The following NAV2 variants were observed in gnomAD, a reference collection of about 807,000 sequenced individuals.
NAV2 encodes helicase, APC down-regulated 1.
Under a neutral mutation model 223.2 loss-of-function variants are expected in NAV2, and 54 were observed. The ratio of observed to expected loss-of-function variants is 0.24; its 90% confidence interval spans 0.19 to 0.30. NAV2 has a LOEUF of 0.30. NAV2 is among the 10% of genes least tolerant of loss of function. The probability of loss-of-function intolerance (pLI) is 1.00; values close to 1 mark genes in which losing one functional copy is unlikely to be tolerated. For missense variants in NAV2, 2,806 were observed against 3,147.5 expected (o/e 0.89, Z 2.60); for synonymous variants, 1,279 against 1,239.3 (o/e 1.03, Z -0.67).
At chr11:19,751,311 G>A (rs1183485613) in intron 1 of NAV2, among the ~76,000 whole-genome samples, 1 of 152,148 alleles carries the variant, frequency 6.6e-6, no homozygotes, top group African/African-American at 2.4e-5. Flanking sequence ...AGTCAACAAG[G>A]ACAGGTTTTC....
At chr11:19,486,035 G>T (rs2042434159) in intron 1 of NAV2, among the ~76,000 whole-genome samples, 1 of 152,146 alleles carries the variant, frequency 6.6e-6, no homozygotes, top group African/African-American at 2.4e-5. Flanking sequence ...CTTGAGGTTT[G>T]TTCCTCTCAA....
chr11:19,356,657 C>A (rs964156952), intron 1 of NAV2, among the ~76,000 whole-genome samples: 1 of 152,272 alleles, frequency 6.6e-6, no homozygotes, highest in Admixed American at 6.5e-5. Flanking sequence ...CACAGGGGAA[C>A]CATGTGGCCT....
chr11:19,553,406 A>G (rs1218143873), intron 1 of NAV2, among the ~76,000 whole-genome samples: 1 of 152,152 alleles, frequency 6.6e-6, no homozygotes, highest in Non-Finnish European at 1.5e-5. Context: ...AAGGAGTAAG[A>G]GAGATATGGG....
chr11:19,495,954 G>T (rs1311682579), intron 1 of NAV2, among the ~76,000 whole-genome samples: 1 of 152,152 alleles, frequency 6.6e-6, no homozygotes, highest in Non-Finnish European at 1.5e-5. Flanking sequence ...AGGTCTAAGG[G>T]AGGCTAATGT....
chr11:20,037,843 A>T (rs1018652216), intron 12 of NAV2, among the ~76,000 whole-genome samples: 2 of 151,636 alleles, frequency 1.3e-5, no homozygotes, highest in Admixed American at 1.3e-4. Flanking sequence ...GTGAACACTA[A>T]TTTTTTTTTC....
intron 6 of NAV2, among the ~76,000 whole-genome samples, chr11:19,897,886 T>TTTTATATATATATA (rs144642336): frequency 1.7e-5 from 2 of 120,686 alleles, no homozygotes; most frequent in African/African-American, 6.7e-5. Context: ...GACCTGTGAT[T>TTTTATATATATATA]TATATATATA....
At chr11:19,753,120 G>A (rs1404904880) in intron 1 of NAV2, among the ~76,000 whole-genome samples, 1 of 152,172 alleles carries the variant, frequency 6.6e-6, no homozygotes, top group African/African-American at 2.4e-5. Flanking sequence ...CAGACTTCCA[G>A]CCTCCAGAAC....
intron 1 of NAV2, among the ~76,000 whole-genome samples, chr11:19,394,856 G>A (rs1849387609): frequency 6.6e-6 from 1 of 152,192 alleles, no homozygotes; most frequent in Admixed American, 6.5e-5. Flanking sequence ...TGCAGCGCAT[G>A]TTCAGGAAGG....
intron 1 of NAV2, among the ~76,000 whole-genome samples, chr11:19,817,378 C>G (rs1421497410): frequency 1.3e-5 from 2 of 152,176 alleles, no homozygotes; most frequent in Non-Finnish European, 2.9e-5. Flanking sequence ...CCTTTCTCTG[C>G]CAGAGCTGTG....
intron 1 of NAV2, among the ~76,000 whole-genome samples, chr11:19,736,012 A>G (rs1267902639): frequency 1.3e-5 from 2 of 152,212 alleles, no homozygotes. Context: ...ATCAGCTTTC[A>G]GGAATAAAAA....
intron 5 of NAV2, among the ~76,000 whole-genome samples, chr11:19,888,971 C>T (rs912065441): frequency 7.2e-5 from 11 of 152,128 alleles, no homozygotes; most frequent in African/African-American, 2.2e-4. Context: ...CAGCTGGGGT[C>T]GACAAGCCCC....
Position 19,713,533 on chromosome 11 carries a change from T to C in NAV2, c.-163T>C, listed in dbSNP as rs2050015444. ...GCACCCCAAAGGCGCGCTCGCCCGA[T>C]TGCTTCGAGTTCCCCGACCTGGGGA... On this transcript the variant is annotated 5_prime_UTR_variant, in exon 1 of 38. Coordinates refer to ENST00000349880, the MANE Select transcript of NAV2 (RefSeq NM_145117.5). The surrounding 1 kb of genome is among the most constrained non-coding windows in gnomAD (Gnocchi z 7.2). The C allele has an allele frequency of 1.4e-6, 2 of 1,397,812 alleles. No individual in the cohort carries two copies. Among genetic ancestry groups the C allele is most frequent in the East Asian group, 5.4e-5 (2 of 37,340 alleles). The allele number at this position is 1,397,812 out of a possible 1,614,324, so 86.6% of individuals were successfully genotyped here.
At chr11:19,477,803 G>A (rs2042163335) in intron 1 of NAV2, among the ~76,000 whole-genome samples, 1 of 152,160 alleles carries the variant, frequency 6.6e-6, no homozygotes, top group Non-Finnish European at 1.5e-5. Flanking sequence ...TGAGGAAACA[G>A]GAGTTTAGAG....
upstream of NAV2, among the ~76,000 whole-genome samples, chr11:19,708,934 A>G (rs1474319682): frequency 1.3e-5 from 2 of 151,606 alleles, no homozygotes; most frequent in Admixed American, 6.6e-5. Flanking sequence ...GAAAAAAGTT[A>G]TTTTAATACC....
At chr11:19,802,739 A>G (rs1001889929) in intron 1 of NAV2, among the ~76,000 whole-genome samples, 4 of 150,596 alleles carry the variant, frequency 2.7e-5, no homozygotes, top group East Asian at 2.0e-4. Flanking sequence ...AATTACACCA[A>G]TGTTTTTTCA....
At chr11:19,720,242 T>C (rs565804932) in intron 1 of NAV2, among the ~76,000 whole-genome samples, 34 of 152,368 alleles carry the variant, frequency 2.2e-4, no homozygotes, top group Middle Eastern at 3.4e-3. Flanking sequence ...TAGAATGGCT[T>C]GGGCAGAATG....
In NAV2 at chr11:19,779,616, T is replaced by C. The variant is rs192507101; in HGVS notation, c.268-52868T>C. On this transcript the variant is annotated intron_variant, in intron 1 of 37. Coordinates refer to ENST00000349880, the MANE Select transcript of NAV2 (RefSeq NM_145117.5). Reference sequence around the variant, plus strand: ...ACTAATCCCTGAATCAGTTTTCCTCTTTTGTAAAAGGCTGTTTTACAACTC... The same window carrying C: ...ACTAATCCCTGAATCAGTTTTCCTCCTTTGTAAAAGGCTGTTTTACAACTC... Among the ~76,000 whole-genome samples, 4 of 152,346 alleles carry C rather than the reference T, an allele frequency of 2.6e-5. No homozygotes were observed. The East Asian group carries it at 7.7e-4, about 29-fold the overall frequency.
intron 1 of NAV2, among the ~76,000 whole-genome samples, chr11:19,482,242 G>A (rs562746267): frequency 6.2e-4 from 94 of 152,186 alleles, no homozygotes; most frequent in African/African-American, 2.1e-3. Flanking sequence ...GCCCATCTAC[G>A]TTCCCTACAA....
intron 1 of NAV2, among the ~76,000 whole-genome samples, chr11:19,536,853 G>A (rs548712384): frequency 9.2e-5 from 14 of 152,220 alleles, no homozygotes; most frequent in Non-Finnish European, 1.5e-4. Flanking sequence ...AGCCCAGCTG[G>A]TATATTCTAC....
Sources: gnomAD v4.1 joint callset for allele counts (sites outside exome capture counted in the v4.1 genomes callset) on GRCh38, gnomAD v4.1.1 for gene constraint, Gnocchi (gnomAD v3.1) non-coding constraint, MANE v1.5 for transcripts, NCBI Gene and HGNC (gene_info 2026-07-23, HGNC 2026-07-21) for gene names.